The following BBX variants were observed in gnomAD, a reference collection of about 807,000 sequenced individuals.
The protein encoded by BBX is HMG box transcription factor BBX.
A neutral mutation model predicts 100.2 loss-of-function variants in BBX; 30 were observed. The observed-to-expected ratio is 0.30, with a 90% CI of 0.22 to 0.41. The LOEUF (loss-of-function observed/expected upper bound fraction) is 0.41, where lower values mean the gene tolerates loss of function less well. Ranked by LOEUF, BBX falls within the 10% of genes least tolerant of loss-of-function variation. The pLI is 1.00. For synonymous variants in BBX, 376 were observed against 388.1 expected (o/e 0.97, Z 0.37); for missense variants, 1,023 against 1,129.8 (o/e 0.91, Z 1.35).
At chr3:107,700,235 CAT>C (rs756354970) in intron 3 of BBX, among the ~76,000 whole-genome samples, 5 of 151,512 alleles carry the variant, frequency 3.3e-5, no homozygotes, top group Admixed American at 1.3e-4. Context: ...TGGAGGGAAA[CAT>C]ATAGATTGGG....
At position 107,600,742 on chromosome 3, in the gene BBX, A is replaced by G. The variant is rs1341761035; in HGVS notation, c.-83-45094A>G. ...ATAGAGGATAATGTTGGGCCTAACA[A>G]GTTAAAAATATTAAAAGTTCTAGAG... On this transcript the variant is annotated intron_variant, in intron 2 of 17. Transcript: ENST00000325805. 2.0e-5 allele frequency among the ~76,000 whole-genome samples: 3 copies of G among 152,170 alleles called. No homozygotes were observed. In the East Asian group the frequency reaches 5.8e-4, roughly 29 times the overall value.
intron 2 of BBX, among the ~76,000 whole-genome samples, chr3:107,607,519 G>A (rs1344627783): frequency 1.3e-5 from 2 of 152,110 alleles, no homozygotes; most frequent in African/African-American, 2.4e-5. Context: ...AGTAAACATG[G>A]GAGTGCATGT....
intron 2 of BBX, among the ~76,000 whole-genome samples, chr3:107,613,218 C>G (rs2054977709): frequency 6.7e-6 from 1 of 148,898 alleles, no homozygotes; most frequent in Admixed American, 6.7e-5. Context: ...GATGGAGTCT[C>G]GCTCTGTCGC....
rs2061652381 is a variant in BBX at position 107,710,555 on chromosome 3, T to C, written c.95T>C (p.Leu32Pro). 1 of 1,613,866 alleles carries C rather than the reference T, an allele frequency of 6.2e-7. No individual in the cohort carries two copies. Among genetic ancestry groups the C allele is most frequent in the Non-Finnish European group, 8.5e-7 (1 of 1,179,946 alleles). The change falls in exon 4 of 18, where the codon CTA becomes CCA. Residue 32 changes from leucine to proline, a missense_variant. Leu to Pro is a moderately conservative substitution (Grantham distance 98). Around this residue, in one of 9 missense-constraint regions of BBX, gnomAD observed 229 missense variants for 226.3 expected, o/e 1.01. Coordinates refer to ENST00000325805, the MANE Select transcript of BBX (RefSeq NM_001142568.3). ...KRKCLQWHPL[L>P]AKKLLDFSEE... ...AAGTGTCTTCAGTGGCATCCATTGC[T>C]AGCAAAGAAACTTCTTGATTTTTCA...
chr3:107,598,328 G>A (rs996957526), intron 2 of BBX, among the ~76,000 whole-genome samples: 1 of 152,098 alleles, frequency 6.6e-6, no homozygotes, highest in African/African-American at 2.4e-5. Flanking sequence ...CTTTTCCTGC[G>A]CATGAGTCTT....
chr3:107,552,863 C>T (rs549911273), intron 2 of BBX, among the ~76,000 whole-genome samples: 1 of 152,134 alleles, frequency 6.6e-6, no homozygotes, highest in African/African-American at 2.4e-5. Flanking sequence ...CAAGGAGATA[C>T]GCAATCTCTA....
rs1189499248 is a variant in BBX at position 107,808,920 on chromosome 3, A to T, written c.*3463A>T. 1 of 152,216 alleles carries T rather than the reference A, an allele frequency of 6.6e-6. No homozygotes were observed. The highest frequency in any genetic ancestry group is 1.5e-5 in the Non-Finnish European group (1 of 68,032). 9.4% of individuals were successfully genotyped at this position (152,216 alleles called of 1,614,324 possible). On this transcript the variant is annotated 3_prime_UTR_variant, in exon 18 of 18. Coordinates refer to ENST00000325805, the MANE Select transcript of BBX (RefSeq NM_001142568.3). The stretch of plus-strand genomic sequence containing the variant: ...AAATAATTCCCACGTTATCATTGTG[A>T]TTCTACTTCCTGCCACTAAAATTGC...
intron 3 of BBX, among the ~76,000 whole-genome samples, chr3:107,679,356 A>G (rs890878746): frequency 6.6e-6 from 1 of 152,106 alleles, no homozygotes; most frequent in African/African-American, 2.4e-5. Flanking sequence ...TTTAATGCAT[A>G]TTACCCAAAA....
At chr3:107,568,607 C>A (rs887690358) in intron 2 of BBX, among the ~76,000 whole-genome samples, 4 of 152,146 alleles carry the variant, frequency 2.6e-5, no homozygotes, top group Admixed American at 1.3e-4. Flanking sequence ...TCTCTATTCT[C>A]ACCTCTTGGA....
chr3:107,763,531 C>A (rs141286702), intron 10 of BBX, among the ~76,000 whole-genome samples: 1 of 152,228 alleles, frequency 6.6e-6, no homozygotes, highest in African/African-American at 2.4e-5. Flanking sequence ...ATCTTTAAAG[C>A]GAGTCCGTAG....
At chr3:107,749,574 T>C (rs1016677356) in intron 9 of BBX, among the ~76,000 whole-genome samples, 5 of 152,144 alleles carry the variant, frequency 3.3e-5, no homozygotes, top group African/African-American at 1.2e-4. Context: ...GTATGGAATA[T>C]CTCAGCTGAT....
chr3:107,809,539 C>T lies in BBX; in HGVS notation c.*4082C>T, dbSNP rs1195884726. 1 of 152,226 alleles carries T rather than the reference C, an allele frequency of 6.6e-6. No individual in the cohort carries two copies. Among genetic ancestry groups the T allele is most frequent in the Non-Finnish European group, 1.5e-5 (1 of 68,050 alleles). The allele number at this position is 152,226 out of a possible 1,614,324, so 9.4% of individuals were successfully genotyped here. On this transcript the variant is annotated 3_prime_UTR_variant, in exon 18 of 18. Transcript: ENST00000325805. ...TAAGGCCAATCCTAATGGGCTACCT[C>T]GGCTTTAAAAGTTAATTTCAGTAAG...
intron 2 of BBX, among the ~76,000 whole-genome samples, chr3:107,587,247 T>C (rs1013970090): frequency 6.6e-6 from 1 of 150,688 alleles, no homozygotes; most frequent in Non-Finnish European, 1.5e-5. Flanking sequence ...CTTTGGTAGC[T>C]GAGGCAGAAG....
chr3:107,624,685 A>T (rs1489052549), intron 2 of BBX, among the ~76,000 whole-genome samples: 1 of 152,122 alleles, frequency 6.6e-6, no homozygotes, highest in Admixed American at 6.5e-5. Context: ...CCTGGTCAAC[A>T]TGATGAAACA....
At chr3:107,655,008 T>A (rs114776808) in intron 3 of BBX, among the ~76,000 whole-genome samples, 2,953 of 152,326 alleles carry the variant, frequency 0.019, 41 homozygotes, top group Non-Finnish European at 0.031. Flanking sequence ...AATTTCATGT[T>A]TATTGCTATC....
intron 13 of BBX, among the ~76,000 whole-genome samples, chr3:107,789,085 C>T (rs2068718773): frequency 6.6e-6 from 1 of 151,928 alleles, no homozygotes; most frequent in African/African-American, 2.4e-5. Context: ...GGCCAGAAGG[C>T]AGAGCATGTA....
intron 2 of BBX, among the ~76,000 whole-genome samples, chr3:107,538,776 T>G (rs922907999): frequency 1.3e-5 from 2 of 151,674 alleles, no homozygotes; most frequent in East Asian, 3.9e-4. Flanking sequence ...CTAATCATTG[T>G]GTGAAGAGGA....
intron 4 of BBX, among the ~76,000 whole-genome samples, chr3:107,714,810 G>A (rs968128529): frequency 6.6e-5 from 10 of 150,628 alleles, no homozygotes; most frequent in African/African-American, 1.9e-4. Flanking sequence ...TTTTTGAGAC[G>A]GAGTCTTGCT....
At chr3:107,684,894 G>T (rs778544008) in intron 3 of BBX, among the ~76,000 whole-genome samples, 11 of 152,162 alleles carry the variant, frequency 7.2e-5, no homozygotes, top group Admixed American at 2.0e-4. Flanking sequence ...TAGGCAAAGT[G>T]GGTGCGGGGA....
Sources: allele counts gnomAD v4.1 joint callset (sites outside exome capture counted in the v4.1 genomes callset), GRCh38; gene constraint gnomAD v4.1.1; regional missense constraint gnomAD v4.1.1; transcripts MANE v1.5; gene names NCBI Gene and HGNC (gene_info 2026-07-23, HGNC 2026-07-21).